The following PCDH15 variants were observed in gnomAD, a reference collection of about 807,000 sequenced individuals.
The protein encoded by PCDH15 is protocadherin related 15, also known as protocadherin-15.
A neutral mutation model predicts 178.5 loss-of-function variants in PCDH15; 129 were observed. That is an observed-to-expected ratio of 0.72 (90% CI 0.63 to 0.84). The LOEUF (loss-of-function observed/expected upper bound fraction) is 0.84. Among genes scored for constraint, PCDH15 ranks in the 40% least tolerant of loss-of-function variants. The probability of loss-of-function intolerance (pLI) is 0.00; values close to 1 mark genes in which losing one functional copy is unlikely to be tolerated. For synonymous variants in PCDH15, 800 were observed against 732.0 expected (o/e 1.09, Z -1.50); for missense variants, 2,230 against 2,099.9 (o/e 1.06, Z -1.21).
In PCDH15 at chr10:54,925,501, T is replaced by C. The variant is rs113055206; in HGVS notation, c.-79-28001A>G. ...TTGAGGAATGTCATTGGTATTTCCA[T>C]AGGAATAGCATTGCATTTACAAATT... On this transcript the variant is annotated intron_variant, in intron 2 of 5. Coordinates refer to the PCDH15 transcript ENST00000458638. 1.1e-4 allele frequency among the ~76,000 whole-genome samples: 16 copies of C among 152,124 alleles called. 1 individual carries two copies. The highest frequency in any genetic ancestry group is 3.9e-4 in the African/African-American group (16 of 41,536).
chr10:53,919,726 G>C (rs7089770), intron 25 of PCDH15, among the ~76,000 whole-genome samples: 77,664 of 151,590 alleles, frequency 0.51, 21,684 homozygotes, highest in Middle Eastern at 0.69. Flanking sequence ...TTGGATTTGT[G>C]ATTTATGGGG....
chr10:54,407,425 A>G (rs754392925), intron 3 of PCDH15, among the ~76,000 whole-genome samples: 1 of 152,062 alleles, frequency 6.6e-6, no homozygotes, highest in Non-Finnish European at 1.5e-5. Flanking sequence ...TGGTGGAGGA[A>G]TAGTTGAAAA....
At chr10:55,418,165 A>C (rs2132042157) in intron 2 of PCDH15, among the ~76,000 whole-genome samples, 1 of 151,890 alleles carries the variant, frequency 6.6e-6, no homozygotes, top group Non-Finnish European at 1.5e-5. Flanking sequence ...ACATCATAAT[A>C]ATAGTCATAA....
intron 2 of PCDH15, among the ~76,000 whole-genome samples, chr10:54,649,262 A>T (rs1230340187): frequency 6.6e-6 from 1 of 152,220 alleles, no homozygotes. Context: ...ATACTTTTCT[A>T]AATAATACAC....
At chr10:55,353,821 T>C (rs1845004586) in intron 2 of PCDH15, among the ~76,000 whole-genome samples, 2 of 152,024 alleles carry the variant, frequency 1.3e-5, no homozygotes, top group South Asian at 4.1e-4. Context: ...AGGAGTACTG[T>C]CCCGTGGGTT....
intron 10 of PCDH15, among the ~76,000 whole-genome samples, chr10:54,198,273 A>C (rs982109448): frequency 6.6e-6 from 1 of 152,096 alleles, no homozygotes; most frequent in Non-Finnish European, 1.5e-5. Flanking sequence ...ACAGCTGACC[A>C]GGGCAAGAGG....
chr10:54,246,551 T>G (rs563946569), intron 8 of PCDH15, among the ~76,000 whole-genome samples: 1 of 152,110 alleles, frequency 6.6e-6, no homozygotes, highest in Non-Finnish European at 1.5e-5. Flanking sequence ...ATCCATTAGA[T>G]GAATACATCA....
At chr10:55,233,617 C>A (rs1841290912) in intron 1 of PCDH15, among the ~76,000 whole-genome samples, 1 of 151,778 alleles carries the variant, frequency 6.6e-6, no homozygotes, top group Admixed American at 6.6e-5. Flanking sequence ...TTTCTCCTAA[C>A]AATCTACCAG....
chr10:53,996,430 G>T (rs1173730965), intron 20 of PCDH15, among the ~76,000 whole-genome samples: 1 of 151,998 alleles, frequency 6.6e-6, no homozygotes, highest in African/African-American at 2.4e-5. Context: ...TTCATGCATT[G>T]TCAAGTTCAT....
intron 13 of PCDH15, among the ~76,000 whole-genome samples, chr10:54,156,340 G>C (rs536374265): frequency 3.9e-5 from 6 of 152,172 alleles, no homozygotes; most frequent in Admixed American, 2.6e-4. Flanking sequence ...AATTTACAAA[G>C]GGAAGGTTTA....
At chr10:55,158,616 T>A (rs1398832422) in intron 2 of PCDH15, among the ~76,000 whole-genome samples, 2 of 146,298 alleles carry the variant, frequency 1.4e-5, no homozygotes, top group African/African-American at 5.1e-5. Context: ...GGGTCAAAAA[T>A]AAAAGCTTTT....
chr10:54,444,158 T>C (rs2076005672), intron 3 of PCDH15, among the ~76,000 whole-genome samples: 1 of 151,764 alleles, frequency 6.6e-6, no homozygotes, highest in Non-Finnish European at 1.5e-5. Context: ...TTCTCACTCA[T>C]TATAAAATTG....
rs770371293 is a variant in PCDH15 at position 54,378,905 on chromosome 10, A to G, written c.195T>C (p.Thr65=). 3.7e-5 allele frequency: 60 copies of G among 1,613,748 alleles called. 1 individual carries two copies. The South Asian group carries it at 5.7e-4, about 15-fold the overall frequency. Residue 65 remains threonine, a synonymous_variant, in exon 4 of 38, where the codon ACT becomes ACC. Coordinates refer to ENST00000644397, the MANE Select transcript of PCDH15 (RefSeq NM_001384140.1). ...ILVDNMLIKG[T]AGGPDPTIEL... is the part of the protein sequence containing the mutation. ...CTATGGTGGGGTCTGGTCCTCCAGC[A>G]GTCCCTTTGATCAGCATGTTGTCCA...
At chr10:55,414,335 G>A (rs988646262) in intron 2 of PCDH15, among the ~76,000 whole-genome samples, 10 of 151,498 alleles carry the variant, frequency 6.6e-5, no homozygotes, top group East Asian at 5.8e-4. Context: ...AGTACAACCC[G>A]ATGAAGAGTA....
Position 54,230,726 on chromosome 10 carries a change from G to C in PCDH15, c.985+6097C>G, listed in dbSNP as rs376950669. 1.1e-4 allele frequency among the ~76,000 whole-genome samples: 17 copies of C among 152,056 alleles called. 1 individual carries two copies. The South Asian group carries it at 3.5e-3, about 32-fold the overall frequency. On this transcript the variant is annotated intron_variant, in intron 9 of 37. Coordinates refer to ENST00000644397, the MANE Select transcript of PCDH15 (RefSeq NM_001384140.1). Reference sequence around the variant, plus strand: ...AATGGGTGACACCAACATTTTAGTTGCCAGAATATTCATAATATTATTATA... The same window carrying C: ...AATGGGTGACACCAACATTTTAGTTCCCAGAATATTCATAATATTATTATA...
intron 3 of PCDH15, among the ~76,000 whole-genome samples, chr10:54,850,682 G>T (rs922709401): frequency 3.9e-4 from 60 of 151,954 alleles, no homozygotes; most frequent in African/African-American, 1.5e-3. Flanking sequence ...GAAGAGAAAG[G>T]TTCCAACACA....
At chr10:53,940,111 C>A (rs529899815) in intron 24 of PCDH15, among the ~76,000 whole-genome samples, 2 of 152,176 alleles carry the variant, frequency 1.3e-5, no homozygotes, top group Non-Finnish European at 2.9e-5. Context: ...TCACTCATTT[C>A]TTTAATATTT....
chr10:54,976,825 A>T (rs1389960951), intron 2 of PCDH15, among the ~76,000 whole-genome samples: 1 of 152,104 alleles, frequency 6.6e-6, no homozygotes, highest in Non-Finnish European at 1.5e-5. Context: ...CCCCCATATA[A>T]GGAGGGGATT....
chr10:55,493,813 A>G (rs1042887417), intron 2 of PCDH15, among the ~76,000 whole-genome samples: 1 of 151,908 alleles, frequency 6.6e-6, no homozygotes, highest in African/African-American at 2.4e-5. Context: ...CAGTCACTCA[A>G]ATCCAAATAA....
Sources: gnomAD v4.1 joint callset for allele counts (sites outside exome capture counted in the v4.1 genomes callset) on GRCh38, gnomAD v4.1.1 for gene constraint, MANE v1.5 for transcripts, NCBI Gene and HGNC (gene_info 2026-07-23, HGNC 2026-07-21) for gene names.